FAM118B: variants seen among roughly 807,000 people sequenced by gnomAD.
The protein encoded by FAM118B is SIR2 antiphage like 1.
A neutral mutation model predicts 38.5 loss-of-function variants in FAM118B; 24 were observed. The ratio of observed to expected loss-of-function variants is 0.62; its 90% CI spans 0.45 to 0.88. FAM118B has a LOEUF of 0.88. Ranked by LOEUF, FAM118B falls within the 40% of genes least tolerant of loss-of-function variation. The pLI is 0.00. For missense variants in FAM118B, 334 were observed against 420.0 expected (o/e 0.80, Z 1.79); for synonymous variants, 138 against 156.3 (o/e 0.88, Z 0.87).
intron 1 of FAM118B, among the ~76,000 whole-genome samples, chr11:126,228,238 A>G (rs1056305308): frequency 1.4e-5 from 2 of 146,954 alleles, no homozygotes; most frequent in African/African-American, 5.0e-5. Context: ...TCGCTTTGTC[A>G]CCCAGGCTGG....
At chr11:126,246,812 G>A (rs1221121028) in intron 4 of FAM118B, among the ~76,000 whole-genome samples, 1 of 152,138 alleles carries the variant, frequency 6.6e-6, no homozygotes, top group African/African-American at 2.4e-5. Context: ...AATGGGAAAA[G>A]GCCCTTAGAA....
At chr11:126,259,969 C>T (rs1950654488) in intron 7 of FAM118B, among the ~76,000 whole-genome samples, 1 of 152,068 alleles carries the variant, frequency 6.6e-6, no homozygotes, top group Non-Finnish European at 1.5e-5. Context: ...ATCCACCCAC[C>T]TCAGCCTCCC....
rs937945927 is a variant in FAM118B at position 126,250,302 on chromosome 11, A to G, written c.340-204A>G. ...GAGACGGGGTTTCACCGTGTTAGCC[A>G]GGATGGTCTCGATCTCCTGACCTCG... is the stretch of plus-strand genomic sequence containing the variant. On this transcript the variant is annotated intron_variant, in intron 4 of 8. Coordinates refer to ENST00000533050, the MANE Select transcript of FAM118B (RefSeq NM_024556.4). The surrounding 1 kb of genome is among the most constrained non-coding windows in gnomAD (Gnocchi z 5.1). Among the ~76,000 whole-genome samples, 1 of 152,126 alleles carries G rather than the reference A, an allele frequency of 6.6e-6. No homozygotes were observed. The highest frequency in any genetic ancestry group is 2.4e-5 in the African/African-American group (1 of 41,430).
At chr11:126,234,394 T>C (rs1458727740) in intron 2 of FAM118B, among the ~76,000 whole-genome samples, 1 of 152,224 alleles carries the variant, frequency 6.6e-6, no homozygotes, top group Non-Finnish European at 1.5e-5. Context: ...ACATCTTTGC[T>C]TGATGATACA....
At chr11:126,212,348 A>G (rs915843708) in intron 1 of FAM118B, among the ~76,000 whole-genome samples, 24 of 152,190 alleles carry the variant, frequency 1.6e-4, no homozygotes, top group African/African-American at 5.5e-4. Context: ...TACTCCTCCT[A>G]AAGAAAAAGC....
intron 3 of FAM118B, among the ~76,000 whole-genome samples, chr11:126,238,199 T>A (rs1054668070): frequency 6.0e-5 from 9 of 150,908 alleles, no homozygotes; most frequent in African/African-American, 2.2e-4. Flanking sequence ...CCGTCTCTAC[T>A]AAAAATACAA....
chr11:126,233,767 A>C (rs1351616196), intron 2 of FAM118B: 1 of 455,854 alleles, frequency 2.2e-6, no homozygotes, highest in East Asian at 7.0e-5. Flanking sequence ...TAATTCAGAA[A>C]CTTAGTGTTT....
chr11:126,240,038 G>C (rs2135171025), intron 3 of FAM118B, among the ~76,000 whole-genome samples: 1 of 152,286 alleles, frequency 6.6e-6, no homozygotes, highest in Non-Finnish European at 1.5e-5. Context: ...AAATTAATGT[G>C]AAGGAACATA....
At chr11:126,226,897 G>A (rs931720304) in intron 1 of FAM118B, among the ~76,000 whole-genome samples, 3 of 150,556 alleles carry the variant, frequency 2.0e-5, no homozygotes, top group Non-Finnish European at 2.9e-5. Context: ...CAAGCCTGAT[G>A]GTGGAGGCTG....
At chr11:126,212,149 T>C (rs1949889993) in intron 1 of FAM118B, among the ~76,000 whole-genome samples, 1 of 152,202 alleles carries the variant, frequency 6.6e-6, no homozygotes, top group South Asian at 2.1e-4. Context: ...CTGTAGTCTC[T>C]CCACCCTTCA....
chr11:126,240,206 T>G (rs891719669), intron 3 of FAM118B, among the ~76,000 whole-genome samples: 1 of 152,114 alleles, frequency 6.6e-6, no homozygotes, highest in Non-Finnish European at 1.5e-5. Flanking sequence ...GTCCTTTGAT[T>G]AGTTAATGTC....
rs975628171 is a variant in FAM118B at position 126,250,380 on chromosome 11, T to C, written c.340-126T>C. The C allele has an allele frequency of 7.6e-6, 5 of 654,446 alleles. No individual in the cohort carries two copies. Among genetic ancestry groups the C allele is most frequent in the Admixed American group, 2.7e-5 (1 of 36,582 alleles). The allele number at this position is 654,446 out of a possible 1,614,324, so 40.5% of individuals were successfully genotyped here. A position where few individuals can be genotyped will look rare whatever the true frequency, so the allele number is the denominator to read the frequency against. Reference sequence around the variant, plus strand: ...TGCTGGGATTACAGGCGTGAGCCACTGCGCCTGGCCTTTATCTCTGTTTTG... The same window carrying C: ...TGCTGGGATTACAGGCGTGAGCCACCGCGCCTGGCCTTTATCTCTGTTTTG... On this transcript the variant is annotated intron_variant, in intron 4 of 8. Transcript: ENST00000533050. This position sits in a 1 kb window ranked among gnomAD's most constrained non-coding sequence, Gnocchi z 5.1.
rs987789668 is a variant in FAM118B at position 126,252,689 on chromosome 11, G to A, written c.568-1616G>A. ...GCTGAGGCAGTCGAGGCTACAGTGA[G>A]TTGTGATCACACTGTTGCACTCCAG... On this transcript the variant is annotated intron_variant, in intron 5 of 8. Coordinates refer to ENST00000533050, the MANE Select transcript of FAM118B (RefSeq NM_024556.4). The surrounding 1 kb of genome is among the most constrained non-coding windows in gnomAD (Gnocchi z 4.7). 6.6e-6 allele frequency among the ~76,000 whole-genome samples: 1 copy of A among 152,088 alleles called. No individual in the cohort carries two copies. The highest frequency in any genetic ancestry group is 1.9e-4 in the East Asian group (1 of 5,192).
chr11:126,211,809 A>C lies in FAM118B; in HGVS notation c.-98A>C, dbSNP rs1475263995. ...GCCGGCCGGTAGCTGCAGCTGGAGCAGTGGCGTTTGGAGGAGACTCGGTGA... is the reference window on the plus strand; with the variant it reads ...GCCGGCCGGTAGCTGCAGCTGGAGCCGTGGCGTTTGGAGGAGACTCGGTGA... On this transcript the variant is annotated 5_prime_UTR_variant, in exon 1 of 9. Coordinates refer to ENST00000533050, the MANE Select transcript of FAM118B (RefSeq NM_024556.4). 2 of 690,896 alleles carry C rather than the reference A, an allele frequency of 2.9e-6. No individual in the cohort carries two copies. Among genetic ancestry groups the C allele is most frequent in the Non-Finnish European group, 2.4e-6 (1 of 417,576 alleles). 42.8% of individuals were successfully genotyped at this position (690,896 alleles called of 1,614,324 possible).
intron 7 of FAM118B, among the ~76,000 whole-genome samples, 159 bp downstream of exon 7, chr11:126,257,011 C>T (rs1316756072): frequency 6.6e-6 from 1 of 152,138 alleles, no homozygotes; most frequent in Non-Finnish European, 1.5e-5. Flanking sequence ...ACTAAAGTGC[C>T]ACTTGGATTA....
In FAM118B at chr11:126,244,112, C is replaced by G. The variant is rs1416959658; in HGVS notation, c.339+3068C>G. On this transcript the variant is annotated intron_variant, in intron 4 of 8. Transcript: ENST00000533050. The surrounding 1 kb of genome is among the most constrained non-coding windows in gnomAD (Gnocchi z 4.5). The stretch of plus-strand genomic sequence containing the variant: ...GTAACTACCTCAACACGATAAAGAC[C>G]GTATATGAAAAACTCACAGTTAACA... 6.6e-6 allele frequency among the ~76,000 whole-genome samples: 1 copy of G among 151,956 alleles called. No homozygotes were observed. Among genetic ancestry groups the G allele is most frequent in the South Asian group, 2.1e-4 (1 of 4,828 alleles).
intron 1 of FAM118B, among the ~76,000 whole-genome samples, chr11:126,225,495 A>C (rs1031464730): frequency 1.3e-5 from 2 of 152,232 alleles, no homozygotes; most frequent in South Asian, 4.1e-4. Context: ...CTCCAGTGAG[A>C]TCGCTAGAGC....
At chr11:126,212,243 C>T (rs1334257756) in intron 1 of FAM118B, among the ~76,000 whole-genome samples, 1 of 152,198 alleles carries the variant, frequency 6.6e-6, no homozygotes, top group Non-Finnish European at 1.5e-5. Flanking sequence ...TATCCAGGGC[C>T]CCCAGCACCT....
At chr11:126,221,201 T>C (rs1397274589) in intron 1 of FAM118B, among the ~76,000 whole-genome samples, 2 of 152,102 alleles carry the variant, frequency 1.3e-5, no homozygotes, top group Non-Finnish European at 2.9e-5. Context: ...AAAAACAATA[T>C]TAATTTTTGG....
Sources: allele counts gnomAD v4.1 joint callset (sites outside exome capture counted in the v4.1 genomes callset), GRCh38; gene constraint gnomAD v4.1.1; non-coding constraint Gnocchi (gnomAD v3.1); transcripts MANE v1.5; gene names NCBI Gene and HGNC (gene_info 2026-07-23, HGNC 2026-07-21).